GRID2: variants seen among roughly 807,000 people sequenced by gnomAD.
The protein encoded by GRID2 is glutamate receptor ionotropic, delta-2.
In GRID2, 33 loss-of-function variants were observed where a neutral mutation model predicts 114.8. That is an observed-to-expected ratio of 0.29 (90% CI 0.22 to 0.38). The LOEUF (loss-of-function observed/expected upper bound fraction) is 0.38. Ranked by LOEUF, GRID2 falls within the 10% of genes least tolerant of loss-of-function variation. The pLI, the probability that GRID2 is intolerant of heterozygous loss-of-function variation, is 1.00. For synonymous variants in GRID2, 505 were observed against 449.9 expected, an observed-to-expected ratio of 1.12 and a Z score of -1.55; for missense variants, 1,184 against 1,257.7, an observed-to-expected ratio of 0.94 and a Z score of 0.89.
At chr4:93,378,631 A>G (rs1763582721) in intron 8 of GRID2, among the ~76,000 whole-genome samples, 2 of 152,104 alleles carry the variant, frequency 1.3e-5, no homozygotes. Flanking sequence ...GATATTTATT[A>G]AGGAACTAGA....
intron 2 of GRID2, among the ~76,000 whole-genome samples, chr4:93,056,237 G>T (rs1014536914): frequency 1.3e-5 from 2 of 151,904 alleles, no homozygotes; most frequent in African/African-American, 4.8e-5. Flanking sequence ...TTGTTTAATG[G>T]AGGTCAGATC....
At chr4:93,129,842 T>C (rs1231365679) in intron 4 of GRID2, among the ~76,000 whole-genome samples, 1 of 152,112 alleles carries the variant, frequency 6.6e-6, no homozygotes, top group Non-Finnish European at 1.5e-5. Context: ...AAATTTGGGG[T>C]GTTCCATTTC....
At chr4:93,556,639 G>A (rs1303987075) in intron 13 of GRID2, among the ~76,000 whole-genome samples, 1 of 152,194 alleles carries the variant, frequency 6.6e-6, no homozygotes, top group African/African-American at 2.4e-5. Flanking sequence ...GTACCTCAAT[G>A]TGACAGGGAG....
At chr4:93,530,562 G>T (rs1731345604) in intron 13 of GRID2, among the ~76,000 whole-genome samples, 1 of 151,928 alleles carries the variant, frequency 6.6e-6, no homozygotes, top group South Asian at 2.1e-4. Context: ...CATTTTCAAG[G>T]TCTACCTCAG....
chr4:92,955,460 G>A lies in GRID2; in HGVS notation c.245-129535G>A, dbSNP rs200739614. Reference sequence around the variant, plus strand: ...TGTCCTTTGCCCACTTTTTGATGGCGTTGTTTGTTTTTTTCTTGTAAATTT... The same window carrying A: ...TGTCCTTTGCCCACTTTTTGATGGCATTGTTTGTTTTTTTCTTGTAAATTT... On this transcript the variant is annotated intron_variant, in intron 2 of 15. Coordinates refer to ENST00000282020, the MANE Select transcript of GRID2 (RefSeq NM_001510.4). Among the ~76,000 whole-genome samples, 102 of 151,818 alleles carry A rather than the reference G, an allele frequency of 6.7e-4. 3 individuals carry two copies. The East Asian group carries it at 0.019, about 28-fold the overall frequency.
intron 2 of GRID2, among the ~76,000 whole-genome samples, chr4:93,021,405 A>G (rs755693743): frequency 7.3e-4 from 109 of 150,226 alleles, no homozygotes; most frequent in Admixed American, 4.5e-3. Context: ...TAATAGAGTT[A>G]TTTAACATAT....
At chr4:92,444,377 GT>G (rs34337108) in intron 1 of GRID2, among the ~76,000 whole-genome samples, 23,815 of 150,710 alleles carry the variant, frequency 0.16, 2,377 homozygotes, top group African/African-American at 0.28. Flanking sequence ...GTCAAAGGGG[GT>G]TTGTTCTCTG....
chr4:93,588,993 G>A (rs139251555), intron 13 of GRID2, among the ~76,000 whole-genome samples: 9 of 151,472 alleles, frequency 5.9e-5, no homozygotes, highest in South Asian at 2.1e-4. Context: ...GCTTTTCAGC[G>A]TAGAATTCAA....
At chr4:93,181,422 G>T (rs781148634) in intron 4 of GRID2, among the ~76,000 whole-genome samples, 3 of 152,066 alleles carry the variant, frequency 2.0e-5, no homozygotes, top group Non-Finnish European at 4.4e-5. Context: ...TTTTTGAAAT[G>T]GTAAGGAATA....
intron 13 of GRID2, among the ~76,000 whole-genome samples, chr4:93,549,675 C>T (rs79380931): frequency 0.011 from 1,601 of 152,138 alleles, 37 homozygotes; most frequent in African/African-American, 0.036. Context: ...TTATTCCTTC[C>T]AAGGCATGTT....
At chr4:93,083,384 A>G (rs775513811) in intron 2 of GRID2, among the ~76,000 whole-genome samples, 1 of 152,060 alleles carries the variant, frequency 6.6e-6, no homozygotes, top group Non-Finnish European at 1.5e-5. Context: ...TAGACCTCAC[A>G]ATGTTATGGT....
chr4:93,332,920 A>T (rs960321921), intron 8 of GRID2, among the ~76,000 whole-genome samples: 6 of 152,124 alleles, frequency 3.9e-5, no homozygotes, highest in Non-Finnish European at 8.8e-5. Context: ...ATGTGCTGCG[A>T]TCACCACCAG....
intron 2 of GRID2, among the ~76,000 whole-genome samples, chr4:92,940,619 T>G (rs547125119): frequency 6.6e-6 from 1 of 152,230 alleles, no homozygotes; most frequent in East Asian, 1.9e-4. Flanking sequence ...ATAGGAGTGG[T>G]GAGAGAGGGC....
chr4:92,419,599 A>T (rs1367148255), intron 1 of GRID2, among the ~76,000 whole-genome samples: 1 of 152,130 alleles, frequency 6.6e-6, no homozygotes, highest in East Asian at 1.9e-4. Context: ...GTGGGAAATA[A>T]CTTTTTGGAA....
chr4:92,415,037 G>C (rs1175623661), intron 1 of GRID2, among the ~76,000 whole-genome samples: 1 of 151,556 alleles, frequency 6.6e-6, no homozygotes, highest in East Asian at 1.9e-4. Flanking sequence ...TTTTGTTTTT[G>C]AAAAAGAACA....
chr4:93,594,687 T>C (rs1738853116), intron 13 of GRID2, among the ~76,000 whole-genome samples: 1 of 152,188 alleles, frequency 6.6e-6, no homozygotes, highest in African/African-American at 2.4e-5. Flanking sequence ...CTCAGACTGC[T>C]GTGCTAGCAA....
chr4:93,036,920 C>T (rs1724984544), intron 2 of GRID2, among the ~76,000 whole-genome samples: 1 of 152,084 alleles, frequency 6.6e-6, no homozygotes, highest in Non-Finnish European at 1.5e-5. Flanking sequence ...ATTAACCCTT[C>T]AATTAACTAA....
intron 1 of GRID2, among the ~76,000 whole-genome samples, chr4:92,316,186 C>CT (rs1252497990): frequency 6.6e-6 from 1 of 151,916 alleles, no homozygotes; most frequent in East Asian, 1.9e-4. Context: ...TTCTTTGCTG[C>CT]TTCTGTGAAT....
chr4:93,109,219 T>C (rs998879835), intron 3 of GRID2, among the ~76,000 whole-genome samples: 1 of 152,226 alleles, frequency 6.6e-6, no homozygotes, highest in Non-Finnish European at 1.5e-5. Flanking sequence ...TCCTCTGCCC[T>C]AGCTGAGGAT....
Sources: allele counts gnomAD v4.1 joint callset (sites outside exome capture counted in the v4.1 genomes callset), GRCh38; gene constraint gnomAD v4.1.1; transcripts MANE v1.5; gene names NCBI Gene and HGNC (gene_info 2026-07-23, HGNC 2026-07-21).